Variants in INPP4A observed in about 807,000 individuals in gnomAD.
INPP4A encodes the protein inositol polyphosphate-4-phosphatase, type I, 107kD.
In INPP4A, 33 loss-of-function variants were observed where a neutral mutation model predicts 119.8. The observed-to-expected ratio is 0.28, with a 90% CI of 0.21 to 0.37. The LOEUF (loss-of-function observed/expected upper bound fraction) is 0.37, where lower values mean the gene tolerates loss of function less well. Among genes scored for constraint, INPP4A ranks in the 10% least tolerant of loss-of-function variants. INPP4A has a pLI of 1.00. For missense variants in INPP4A, 956 were observed against 1,289.9 expected (o/e 0.74, Z 3.97); for synonymous variants, 496 against 500.7 (o/e 0.99, Z 0.12).
chr2:98,579,087 C>G (rs1226569751), intron 24 of INPP4A, among the ~76,000 whole-genome samples: 1 of 148,744 alleles, frequency 6.7e-6, no homozygotes, highest in Non-Finnish European at 1.5e-5. Flanking sequence ...GAATCTTGCT[C>G]TGTCACCCAG....
chr2:98,468,326 C>T (rs1675211943), intron 1 of INPP4A, among the ~76,000 whole-genome samples: 1 of 152,172 alleles, frequency 6.6e-6, no homozygotes, highest in Non-Finnish European at 1.5e-5. Context: ...GCCTTGAACT[C>T]CTGGACTTAA....
At chr2:98,565,264 T>C (rs1048669707) in intron 19 of INPP4A, among the ~76,000 whole-genome samples, 14 of 152,380 alleles carry the variant, frequency 9.2e-5, no homozygotes, top group African/African-American at 3.1e-4. Context: ...TATCAAGCCC[T>C]GTGTAATGGG....
At chr2:98,574,941 G>A (rs1698166508) in intron 23 of INPP4A, among the ~76,000 whole-genome samples, 1 of 152,204 alleles carries the variant, frequency 6.6e-6, no homozygotes, top group Admixed American at 6.5e-5. Flanking sequence ...AAGCATGAGT[G>A]TAGAGGTGCA....
At chr2:98,560,589 AC>A (rs1436986884) in intron 17 of INPP4A, among the ~76,000 whole-genome samples, 1 of 151,956 alleles carries the variant, frequency 6.6e-6, no homozygotes, top group Non-Finnish European at 1.5e-5. Context: ...TTTGGGCCCC[AC>A]CCCCTTGGAC....
At chr2:98,474,726 G>A (rs1223408382) in intron 1 of INPP4A, among the ~76,000 whole-genome samples, 1 of 152,240 alleles carries the variant, frequency 6.6e-6, no homozygotes, top group Non-Finnish European at 1.5e-5. Context: ...CAGCCTAAGT[G>A]AGGTGCAGGA....
intron 1 of INPP4A, among the ~76,000 whole-genome samples, chr2:98,518,487 T>C (rs1469329713): frequency 1.3e-5 from 2 of 152,226 alleles, no homozygotes; most frequent in Admixed American, 1.3e-4. Context: ...GAGTGGGGCC[T>C]GGGGGCCCAG....
At chr2:98,560,385 C>T (rs1466434164) in intron 17 of INPP4A, among the ~76,000 whole-genome samples, 1 of 152,184 alleles carries the variant, frequency 6.6e-6, no homozygotes, top group Non-Finnish European at 1.5e-5. Context: ...CTGTGCATTG[C>T]TAGTGAAGCC....
At chr2:98,532,507 C>T (rs56240302) in intron 4 of INPP4A, among the ~76,000 whole-genome samples, 36,718 of 152,002 alleles carry the variant, frequency 0.24, 4,594 homozygotes, top group Middle Eastern at 0.35. Flanking sequence ...GGTGGGGCTA[C>T]GTTCTGTCAA....
intron 1 of INPP4A, among the ~76,000 whole-genome samples, chr2:98,491,214 A>G (rs3754886): frequency 0.24 from 36,949 of 152,114 alleles, 4,639 homozygotes; most frequent in Middle Eastern, 0.35. Flanking sequence ...ACATAGTCAG[A>G]TGGCAGATTT....
At chr2:98,457,857 A>G (rs1256417264) in intron 1 of INPP4A, among the ~76,000 whole-genome samples, 3 of 152,114 alleles carry the variant, frequency 2.0e-5, no homozygotes, top group African/African-American at 4.8e-5. Context: ...GCTATAGTGT[A>G]GTAGACAGCC....
chr2:98,472,019 A>G (rs1399863885), intron 1 of INPP4A, among the ~76,000 whole-genome samples: 2 of 152,204 alleles, frequency 1.3e-5, no homozygotes, highest in Admixed American at 6.5e-5. Flanking sequence ...GTGCCCCACA[A>G]GGAGGGTGTA....
At chr2:98,498,070 T>C (rs1407280899) in intron 1 of INPP4A, among the ~76,000 whole-genome samples, 3 of 152,126 alleles carry the variant, frequency 2.0e-5, no homozygotes, top group Non-Finnish European at 4.4e-5. Flanking sequence ...GTTAAGACTT[T>C]GGGGGACTGT....
chr2:98,558,813 G>A (rs763193121), intron 16 of INPP4A, among the ~76,000 whole-genome samples: 4 of 152,216 alleles, frequency 2.6e-5, no homozygotes, highest in Non-Finnish European at 5.9e-5. Flanking sequence ...CTTAGTATAG[G>A]TGAAATGGAA....
In INPP4A at chr2:98,573,497, G is replaced by T. The variant is rs139559492; in HGVS notation, c.2631+570G>T. 2.1e-3 allele frequency among the ~76,000 whole-genome samples: 320 copies of T among 152,314 alleles called. 1 individual carries two copies. Among genetic ancestry groups the T allele is most frequent in the South Asian group, 6.4e-3 (31 of 4,826 alleles). On this transcript the variant is annotated intron_variant, in intron 23 of 24. Transcript: ENST00000409851. ...AGCAGCATAACCTGCCCAGCGCTGG[G>T]ACTCGGGCACACATGGCCCCAGTGG...
intron 1 of INPP4A, among the ~76,000 whole-genome samples, chr2:98,488,464 T>G (rs1679999042): frequency 6.6e-6 from 1 of 152,234 alleles, no homozygotes; most frequent in Non-Finnish European, 1.5e-5. Flanking sequence ...GTTTTCTAGT[T>G]GCAGACCTGT....
At chr2:98,472,075 T>C (rs796617565) in intron 1 of INPP4A, among the ~76,000 whole-genome samples, 19 of 152,344 alleles carry the variant, frequency 1.2e-4, no homozygotes, top group African/African-American at 4.3e-4. Context: ...CAACAAGGCC[T>C]CTTTTTGATC....
intron 23 of INPP4A, among the ~76,000 whole-genome samples, chr2:98,576,185 A>G (rs1317800960): frequency 1.3e-5 from 2 of 152,186 alleles, no homozygotes; most frequent in Non-Finnish European, 1.5e-5. Context: ...ACAGATTTAC[A>G]TGAAAAAATT....
chr2:98,444,735 C>T (rs907117248), upstream of INPP4A: 1 of 152,338 alleles, frequency 6.6e-6, no homozygotes, highest in Non-Finnish European at 1.5e-5. Flanking sequence ...GTCACCGGCC[C>T]TACTGTCTCA....
At chr2:98,462,212 G>C (rs936750060) in intron 1 of INPP4A, among the ~76,000 whole-genome samples, 19 of 152,166 alleles carry the variant, frequency 1.2e-4, no homozygotes. Flanking sequence ...ACTTTGGAAG[G>C]CCAAGGTGGG....
Sources: allele counts gnomAD v4.1 joint callset (sites outside exome capture counted in the v4.1 genomes callset), GRCh38; gene constraint gnomAD v4.1.1; transcripts MANE v1.5; gene names NCBI Gene and HGNC (gene_info 2026-07-23, HGNC 2026-07-21).